Variants in PCDH10 observed in about 807,000 individuals in gnomAD.
The protein encoded by PCDH10 is protocadherin-10.
A neutral mutation model predicts 74.4 loss-of-function variants in PCDH10; 15 were observed. The ratio of observed to expected loss-of-function variants is 0.20; its 90% CI spans 0.13 to 0.31. The LOEUF is 0.31. Ranked by LOEUF, PCDH10 falls within the 10% of genes least tolerant of loss-of-function variation. The pLI is 1.00. For synonymous variants in PCDH10, 619 were observed against 589.8 expected (o/e 1.05, Z -0.72); for missense variants, 1,260 against 1,390.2 (o/e 0.91, Z 1.49).
intron 2 of PCDH10, among the ~76,000 whole-genome samples, chr4:133,205,635 C>T (rs1460760572): frequency 1.3e-5 from 2 of 151,948 alleles, no homozygotes; most frequent in East Asian, 3.9e-4. Flanking sequence ...TTGGCTCCTT[C>T]GTTATTTGGA....
At chr4:133,206,945 A>G (rs1415301498) in intron 2 of PCDH10, among the ~76,000 whole-genome samples, 1 of 152,174 alleles carries the variant, frequency 6.6e-6, no homozygotes, top group Admixed American at 6.5e-5. Flanking sequence ...TTGAAATTGA[A>G]TCACATTTTG....
intron 2 of PCDH10, among the ~76,000 whole-genome samples, chr4:133,201,711 C>T (rs1727912742): frequency 6.6e-6 from 1 of 151,986 alleles, no homozygotes; most frequent in African/African-American, 2.4e-5. Context: ...ACAAAATTAG[C>T]CGGGCATGGT....
At position 133,163,166 on chromosome 4, in the gene PCDH10, C is replaced by A. The variant is rs1488830220; in HGVS notation, c.2987C>A (p.Ala996Glu). The A allele has an allele frequency of 1.2e-6, 2 of 1,614,098 alleles. No homozygotes were observed. The highest frequency in any genetic ancestry group is 8.5e-7 in the Non-Finnish European group (1 of 1,179,990). ...VFETPEAQPG[A>E]ERSFSTFGKE... ...GAAACTCCAGAAGCCCAGCCTGGGG[C>A]AGAGCGGTCCTTTTCCACCTTTGGC... The change falls in exon 4 of 5, where the codon GCA becomes GAA. Residue 996 changes from alanine (A) to glutamate (E), a missense_variant. By Grantham distance (107) the Ala-to-Glu change is moderately radical. Around this residue, in one of 11 missense-constraint regions of PCDH10, gnomAD observed 136 missense variants for 149.3 expected, o/e 0.91. Coordinates refer to ENST00000264360, the MANE Select transcript of PCDH10 (RefSeq NM_032961.3).
intron 4 of PCDH10, among the ~76,000 whole-genome samples, chr4:133,187,753 T>C (rs1307112803): frequency 6.6e-6 from 1 of 152,136 alleles, no homozygotes; most frequent in African/African-American, 2.4e-5. Context: ...TTGAGTATAA[T>C]GTGTGCTAAG....
In PCDH10 at chr4:133,152,724, G is replaced by T. The variant is rs769806730; in HGVS notation, c.2584G>T (p.Asp862Tyr). Residue 862 changes from aspartate (D) to tyrosine (Y), a missense_variant, in exon 1 of 5, where the codon GAC (aspartate) becomes TAC (tyrosine). By Grantham distance (160) the Asp-to-Tyr change is radical. This residue lies in a region of PCDH10 where 587 missense variants were observed against 616.9 expected (regional missense o/e 0.95). Coordinates refer to ENST00000264360, the MANE Select transcript of PCDH10 (RefSeq NM_032961.3). ...PCGAIVTGYTDQQPDIISNGS... is the reference protein window; with the variant it reads ...PCGAIVTGYTYQQPDIISNGS... ...CGGGGCCATCGTCACCGGTTACACC[G>T]ACCAGCAGCCTGATATCATCTCCAA... 6.2e-7 allele frequency: 1 copy of T among 1,614,080 alleles called. No homozygotes were observed. Among genetic ancestry groups the T allele is most frequent in the Non-Finnish European group, 8.5e-7 (1 of 1,180,044 alleles).
At chr4:133,199,986 G>A (rs1345610160) in intron 2 of PCDH10, among the ~76,000 whole-genome samples, 1 of 151,106 alleles carries the variant, frequency 6.6e-6, no homozygotes, top group Non-Finnish European at 1.5e-5. Context: ...TTTTATTAGA[G>A]ACGGGGTTTC....
intron 4 of PCDH10, among the ~76,000 whole-genome samples, chr4:133,180,383 T>C (rs1392871690): frequency 6.6e-6 from 1 of 152,054 alleles, no homozygotes; most frequent in Non-Finnish European, 1.5e-5. Context: ...TCTGAAGTTT[T>C]TATGTAACAG....
Position 133,151,754 on chromosome 4 carries a change from C to G in PCDH10, c.1614C>G (p.Asp538Glu). ...CCTTCGACTATGAGCAGCTGAAGGA[C>G]TTCAGTTTTCAGGTGGAAGCCCGGG... ...LRSFDYEQLK[D>E]FSFQVEARDA... is the part of the protein sequence containing the mutation. The change falls in exon 1 of 5, where the codon GAC (aspartate) becomes GAG (glutamate). Residue 538 changes from aspartate to glutamate, a missense_variant. Asp to Glu is a conservative substitution (Grantham distance 45). This residue lies in a region of PCDH10 where 587 missense variants were observed against 616.9 expected (regional missense o/e 0.95). Coordinates refer to ENST00000264360, the MANE Select transcript of PCDH10 (RefSeq NM_032961.3). The G allele has an allele frequency of 6.2e-7, 1 of 1,613,132 alleles. No homozygotes were observed. Among genetic ancestry groups the G allele is most frequent in the East Asian group, 2.2e-5 (1 of 44,860 alleles).
In PCDH10 at chr4:133,151,045, G is replaced by T. The variant is rs1176501665; in HGVS notation, c.905G>T (p.Gly302Val). ...TCGCCCCGGGCGCGGGAGCTTTTCG[G>T]ACTCTCGCCGCGCACTGGCAGACTG... ...HISPRARELFGLSPRTGRLEV... is the reference protein window; with the variant it reads ...HISPRARELFVLSPRTGRLEV... The change falls in exon 1 of 5, where the codon GGA (glycine) becomes GTA (valine). Residue 302 changes from glycine to valine, a missense_variant. Coordinates refer to ENST00000264360, the MANE Select transcript of PCDH10 (RefSeq NM_032961.3). 3 of 1,613,820 alleles carry T rather than the reference G, an allele frequency of 1.9e-6. No homozygotes were observed. The highest frequency in any genetic ancestry group is 8.5e-7 in the Non-Finnish European group (1 of 1,180,042).
intron 4 of PCDH10, among the ~76,000 whole-genome samples, chr4:133,164,535 G>A (rs1727040094): frequency 6.6e-6 from 1 of 151,790 alleles, no homozygotes; most frequent in African/African-American, 2.4e-5. Context: ...ATAAAAATTT[G>A]CATTTCTAAA....
chr4:133,153,185 A>G, intron 1 of PCDH10: 2 of 1,092,776 alleles, frequency 1.8e-6, no homozygotes, highest in African/African-American at 1.6e-5. Context: ...AGTTGGCTCT[A>G]TTTTGCTTTG....
intron 1 of PCDH10, 194 bp downstream of exon 1, chr4:133,152,965 C>A: frequency 3.4e-6 from 5 of 1,449,358 alleles, no homozygotes; most frequent in Non-Finnish European, 4.5e-6. Context: ...GTTGTTCCAC[C>A]CTTTCACATT....
intron 3 of PCDH10, among the ~76,000 whole-genome samples, chr4:133,162,316 A>G (rs535681671): frequency 4.6e-5 from 7 of 152,300 alleles, no homozygotes; most frequent in Non-Finnish European, 8.8e-5. Context: ...AGTAATATGG[A>G]CTACCAGAGT....
intron 4 of PCDH10, among the ~76,000 whole-genome samples, chr4:133,186,219 A>G (rs1316630170): frequency 6.6e-6 from 1 of 152,140 alleles, no homozygotes; most frequent in Non-Finnish European, 1.5e-5. Context: ...TTTTCCATTA[A>G]GGATACATTT....
intron 2 of PCDH10, among the ~76,000 whole-genome samples, chr4:133,206,692 A>T (rs889128939): frequency 6.6e-6 from 1 of 151,844 alleles, no homozygotes; most frequent in African/African-American, 2.4e-5. Flanking sequence ...TTTTTCATTA[A>T]TTTTTTTTCA....
chr4:133,154,638 A>G (rs1004452000), intron 2 of PCDH10, among the ~76,000 whole-genome samples: 1 of 152,220 alleles, frequency 6.6e-6, no homozygotes, highest in African/African-American at 2.4e-5. Flanking sequence ...TTCCAAATGT[A>G]TATTTATATC....
chr4:133,181,223 G>A (rs1230499662), intron 4 of PCDH10, among the ~76,000 whole-genome samples: 4 of 151,558 alleles, frequency 2.6e-5, no homozygotes, highest in Non-Finnish European at 4.4e-5. Context: ...TTAAATAACA[G>A]TTAAGATTAT....
intron 4 of PCDH10, chr4:133,164,103 T>G: frequency 2.2e-6 from 1 of 445,644 alleles, no homozygotes; most frequent in Non-Finnish European, 4.5e-6. Context: ...TTCAAATTAC[T>G]CAGAACCACA....
intron 2 of PCDH10, among the ~76,000 whole-genome samples, chr4:133,204,948 G>A (rs956123649): frequency 1.3e-5 from 2 of 152,182 alleles, no homozygotes; most frequent in African/African-American, 4.8e-5. Context: ...AGGGACTGTG[G>A]GAGAAAAGCT....
Sources: allele counts gnomAD v4.1 joint callset (sites outside exome capture counted in the v4.1 genomes callset), GRCh38; gene constraint gnomAD v4.1.1; regional missense constraint gnomAD v4.1.1; transcripts MANE v1.5; gene names NCBI Gene and HGNC (gene_info 2026-07-23, HGNC 2026-07-21).